The following PCDH15 variants were observed in gnomAD, a reference collection of about 807,000 sequenced individuals.
PCDH15 encodes protocadherin-15.
In PCDH15, 129 loss-of-function variants were observed where a neutral mutation model predicts 178.5. That is an observed-to-expected ratio of 0.72 (90% CI 0.63 to 0.84). The LOEUF (loss-of-function observed/expected upper bound fraction) is 0.84. Among genes scored for constraint, PCDH15 ranks in the 40% least tolerant of loss-of-function variants. PCDH15 has a pLI of 0.00. For missense variants in PCDH15, 2,230 were observed against 2,099.9 expected (o/e 1.06, Z -1.21); for synonymous variants, 800 against 732.0 (o/e 1.09, Z -1.50).
chr10:54,763,814 T>A (rs1257444879), intron 1 of PCDH15, among the ~76,000 whole-genome samples: 2 of 149,108 alleles, frequency 1.3e-5, no homozygotes, highest in African/African-American at 4.9e-5. Flanking sequence ...TATGTATCCA[T>A]TAAATGTAAA....
chr10:54,674,043 T>G (rs1011740798), intron 1 of PCDH15, among the ~76,000 whole-genome samples: 20 of 152,168 alleles, frequency 1.3e-4, no homozygotes, highest in African/African-American at 1.9e-4. Flanking sequence ...CACTTTATTT[T>G]CTACTTCACA....
chr10:55,610,051 T>C (rs1355560675), intron 2 of PCDH15, among the ~76,000 whole-genome samples: 1 of 152,054 alleles, frequency 6.6e-6, no homozygotes, highest in Non-Finnish European at 1.5e-5. Context: ...TCCAGAGATA[T>C]ATCTTAGGTA....
intron 9 of PCDH15, among the ~76,000 whole-genome samples, chr10:54,225,078 G>T (rs1162214222): frequency 1.3e-5 from 2 of 151,960 alleles, no homozygotes; most frequent in Non-Finnish European, 2.9e-5. Flanking sequence ...CTTTACCAAA[G>T]ATTTTATTGG....
intron 1 of PCDH15, among the ~76,000 whole-genome samples, chr10:55,258,906 A>G (rs936751290): frequency 3.9e-5 from 6 of 152,106 alleles, no homozygotes; most frequent in Admixed American, 6.5e-5. Context: ...TCATCAGATT[A>G]TAGCATCCAG....
At chr10:53,976,933 C>G (rs1263611531) in intron 21 of PCDH15, among the ~76,000 whole-genome samples, 1 of 151,236 alleles carries the variant, frequency 6.6e-6, no homozygotes, top group Non-Finnish European at 1.5e-5. Flanking sequence ...CTTACTAGAG[C>G]ACTGCATCTG....
intron 2 of PCDH15, among the ~76,000 whole-genome samples, chr10:55,547,649 C>A: frequency 6.6e-6 from 1 of 152,064 alleles, no homozygotes; most frequent in East Asian, 1.9e-4. Context: ...AGATAAGTAG[C>A]CTAATTTTCC....
chr10:54,616,441 T>TA (rs2134334022), intron 2 of PCDH15, among the ~76,000 whole-genome samples: 1 of 152,230 alleles, frequency 6.6e-6, no homozygotes, highest in South Asian at 2.1e-4. Flanking sequence ...TGGGGTTATT[T>TA]AAATGAAGCC....
Position 55,206,732 on chromosome 10 carries a change from T to G in PCDH15, c.-155-40081A>C, listed in dbSNP as rs147469363. On this transcript the variant is annotated intron_variant, in intron 1 of 5. Coordinates refer to the PCDH15 transcript ENST00000458638. The stretch of plus-strand genomic sequence containing the variant: ...ACATTTAAATACTTATATCACATAT[T>G]AAATAATGAAATATCATTCTGATGT... Among the ~76,000 whole-genome samples the G allele has an allele frequency of 9.5e-4, 145 of 152,276 alleles. 1 individual carries two copies. The East Asian group carries it at 0.026, about 28-fold the overall frequency.
intron 2 of PCDH15, among the ~76,000 whole-genome samples, chr10:54,537,470 A>G (rs1338280059): frequency 6.6e-6 from 1 of 152,176 alleles, no homozygotes; most frequent in Non-Finnish European, 1.5e-5. Context: ...GACACAAGGA[A>G]CAAAGAAAAC....
chr10:54,998,017 C>G (rs537620029), intron 2 of PCDH15, among the ~76,000 whole-genome samples: 2 of 152,082 alleles, frequency 1.3e-5, no homozygotes, highest in South Asian at 4.1e-4. Context: ...GCTTCCTAGG[C>G]TTTCACTAAA....
chr10:54,493,698 A>G (rs2079828591), intron 3 of PCDH15, among the ~76,000 whole-genome samples: 1 of 152,018 alleles, frequency 6.6e-6, no homozygotes, highest in Non-Finnish European at 1.5e-5. Context: ...AGGGATCTAG[A>G]ACTAGAAATA....
At chr10:54,894,127 G>T (rs893033367) in intron 3 of PCDH15, among the ~76,000 whole-genome samples, 1 of 151,984 alleles carries the variant, frequency 6.6e-6, no homozygotes, top group African/African-American at 2.4e-5. Flanking sequence ...TGTGTCTCTT[G>T]TCCCATAGAA....
At chr10:53,957,504 T>TTTTTG (rs2087742314) in intron 23 of PCDH15, among the ~76,000 whole-genome samples, 1 of 17,340 alleles carries the variant, frequency 5.8e-5, no homozygotes, top group African/African-American at 1.4e-4. Flanking sequence ...ATTTACTATG[T>TTTTTG]TTTTTTTTTT....
chr10:55,415,291 G>A (rs1361523744), intron 2 of PCDH15, among the ~76,000 whole-genome samples: 2 of 151,592 alleles, frequency 1.3e-5, no homozygotes, highest in Non-Finnish European at 3.0e-5. Context: ...ATATTTCAGA[G>A]TAGAAATCCT....
At chr10:55,307,660 A>G (rs889431072) in intron 1 of PCDH15, among the ~76,000 whole-genome samples, 23 of 150,270 alleles carry the variant, frequency 1.5e-4, no homozygotes, top group African/African-American at 5.4e-4. Flanking sequence ...CCTTATTGTT[A>G]TATCACAAAG....
chr10:54,320,156 C>A (rs1468798973), intron 7 of PCDH15, among the ~76,000 whole-genome samples: 1 of 152,020 alleles, frequency 6.6e-6, no homozygotes, highest in Non-Finnish European at 1.5e-5. Context: ...TTCTGAACTT[C>A]TTTTATGTCA....
chr10:53,958,222 A>G (rs1478133381), intron 23 of PCDH15, among the ~76,000 whole-genome samples: 1 of 152,166 alleles, frequency 6.6e-6, no homozygotes, highest in Non-Finnish European at 1.5e-5. Flanking sequence ...ATCCTCAATT[A>G]TTATCATCAT....
At chr10:55,206,764 A>C (rs1388882382) in intron 1 of PCDH15, among the ~76,000 whole-genome samples, 1 of 152,134 alleles carries the variant, frequency 6.6e-6, no homozygotes, top group Non-Finnish European at 1.5e-5. Context: ...ATGTTGTTTG[A>C]AAATCAGAGG....
chr10:54,183,426 T>C lies in PCDH15; in HGVS notation c.1590+18A>G, dbSNP rs746032905. The C allele has an allele frequency of 6.3e-7, 1 of 1,589,840 alleles. No homozygotes were observed. The highest frequency in any genetic ancestry group is 8.6e-7 in the Non-Finnish European group (1 of 1,160,104). The stretch of plus-strand genomic sequence containing the variant: ...AATAACAGCTTTGAGTGTACACTTA[T>C]ATTATGTGAGTAGTTACCTGTATGA... On this transcript the variant is annotated intron_variant, in intron 13 of 37. Transcript: ENST00000644397.
Sources: allele counts gnomAD v4.1 joint callset (sites outside exome capture counted in the v4.1 genomes callset), GRCh38; gene constraint gnomAD v4.1.1; transcripts MANE v1.5; gene names NCBI Gene and HGNC (gene_info 2026-07-23, HGNC 2026-07-21).